RTN4R: variants seen among roughly 807,000 people sequenced by gnomAD.
RTN4R encodes reticulon 4 receptor, also known as reticulon-4 receptor.
Under a neutral mutation model 27.7 loss-of-function variants are expected in RTN4R, and 4 were observed. That is an observed-to-expected ratio of 0.14 (90% CI 0.07 to 0.33). RTN4R has a LOEUF of 0.33. Ranked by LOEUF, RTN4R falls within the 10% of genes least tolerant of loss-of-function variation. RTN4R has a pLI of 1.00. For missense variants in RTN4R, 554 were observed against 671.5 expected, an observed-to-expected ratio of 0.83 and a Z score of 1.93; for synonymous variants, 290 against 305.6, an observed-to-expected ratio of 0.95 and a Z score of 0.53.
chr22:20,248,014 G>C (rs991123383), intron 1 of RTN4R, among the ~76,000 whole-genome samples: 8 of 152,240 alleles, frequency 5.3e-5, no homozygotes, highest in African/African-American at 1.9e-4. Context: ...ACGAGATGTA[G>C]GTAGGTCCAG....
chr22:20,257,651 T>C (rs4819879), intron 1 of RTN4R, among the ~76,000 whole-genome samples: 41,909 of 152,240 alleles, frequency 0.28, 6,044 homozygotes, highest in East Asian at 0.49. Context: ...TATTTTGTCA[T>C]GGCAGCTTGA....
chr22:20,260,956 C>T (rs985769376), intron 1 of RTN4R, among the ~76,000 whole-genome samples: 4 of 152,160 alleles, frequency 2.6e-5, no homozygotes, highest in Non-Finnish European at 4.4e-5. Flanking sequence ...CTGCCCGGAC[C>T]CTGTGCACCC....
At chr22:20,250,943 C>A (rs1001745674) in intron 1 of RTN4R, among the ~76,000 whole-genome samples, 2 of 152,148 alleles carry the variant, frequency 1.3e-5, no homozygotes, top group East Asian at 3.8e-4. Flanking sequence ...TGACACAGTC[C>A]GGCTTCGGAG....
intron 1 of RTN4R, among the ~76,000 whole-genome samples, chr22:20,254,476 T>C (rs1212668418): frequency 6.7e-6 from 1 of 148,282 alleles, no homozygotes; most frequent in African/African-American, 2.5e-5. Flanking sequence ...GCCTCCTTCA[T>C]AGCACACTAG....
chr22:20,268,106 C>T lies in RTN4R; in HGVS notation c.-14G>A, dbSNP rs1315501452. The T allele has an allele frequency of 6.3e-5, 70 of 1,114,600 alleles. No individual in the cohort carries two copies. The highest frequency in any genetic ancestry group is 7.6e-5 in the Non-Finnish European group (69 of 911,716). 69.0% of individuals were successfully genotyped at this position (1,114,600 alleles called of 1,614,324 possible). ...CGCCCTCTTCATCGTAGGGGTTGGG[C>T]GGGGCGCGTCGGGGACTGAAAGTCG... On this transcript the variant is annotated 5_prime_UTR_variant, in exon 1 of 2. Coordinates refer to ENST00000043402, the MANE Select transcript of RTN4R (RefSeq NM_023004.6).
chr22:20,261,704 C>A (rs967697768), intron 1 of RTN4R, among the ~76,000 whole-genome samples: 15 of 152,358 alleles, frequency 9.8e-5, no homozygotes, highest in African/African-American at 3.6e-4. Context: ...ATCCTCCTCA[C>A]CGGCGCCTGG....
At chr22:20,254,900 T>C (rs2051203336) in intron 1 of RTN4R, among the ~76,000 whole-genome samples, 1 of 151,938 alleles carries the variant, frequency 6.6e-6, no homozygotes, top group Non-Finnish European at 1.5e-5. Context: ...CAAAAGGCCA[T>C]GAAAGAGAAG....
chr22:20,242,264 G>A lies in RTN4R; in HGVS notation c.869C>T (p.Pro290Leu). Residue 290 changes from proline (P) to leucine (L), a missense_variant, in exon 2 of 2, where the codon CCG (proline) becomes CTG (leucine). Transcript: ENST00000043402. ...GSSSEVPCSL[P>L]QRLAGRDLKR... ...GAGGTCACGGCCAGCCAGGCGTTGC[G>A]GGAGGCTGCAGGGCACCTCGGAGGA... 1 of 1,598,686 alleles carries A rather than the reference G, an allele frequency of 6.3e-7. No homozygotes were observed. Among genetic ancestry groups the A allele is most frequent in the Non-Finnish European group, 8.5e-7 (1 of 1,173,742 alleles).
chr22:20,263,193 G>A (rs1407330578), intron 1 of RTN4R, among the ~76,000 whole-genome samples: 2 of 152,318 alleles, frequency 1.3e-5, no homozygotes, highest in East Asian at 1.9e-4. Flanking sequence ...CCGTGGGTGC[G>A]GGGTTTGTGT....
At chr22:20,246,845 G>T (rs919790747) in intron 1 of RTN4R, among the ~76,000 whole-genome samples, 1 of 152,240 alleles carries the variant, frequency 6.6e-6, no homozygotes, top group Non-Finnish European at 1.5e-5. Context: ...CCCTGGGCTG[G>T]GATCACCGGA....
rs2051109691 is a variant in RTN4R at position 20,241,990 on chromosome 22, G to A, written c.1143C>T (p.Asp381=). The A allele has an allele frequency of 6.2e-7, 1 of 1,610,390 alleles. No individual in the cohort carries two copies. The highest frequency in any genetic ancestry group is 1.1e-5 in the South Asian group (1 of 91,078). The change falls in exon 2 of 2, where the codon GAC becomes GAT. Residue 381 remains aspartate, a synonymous_variant. Transcript: ENST00000043402. The stretch of plus-strand genomic sequence containing the variant: ...AGCCAGGCAGAGTCCCAAAGGGTGA[G>A]TCATTGATGTGCCGTGGGCCAGAGC... The part of the protein sequence containing the change: ...GNGSGPRHIN[D]SPFGTLPGSA...
intron 1 of RTN4R, among the ~76,000 whole-genome samples, chr22:20,266,479 T>G (rs2051277216): frequency 6.6e-6 from 1 of 152,242 alleles, no homozygotes; most frequent in Admixed American, 6.5e-5. Flanking sequence ...ACTGAGGCAC[T>G]GGAGGCGGGG....
chr22:20,243,984 C>A (rs1024819908), intron 1 of RTN4R, among the ~76,000 whole-genome samples: 1 of 152,216 alleles, frequency 6.6e-6, no homozygotes, highest in Admixed American at 6.5e-5. Context: ...GCATCCAGAG[C>A]TGGTCTCACC....
chr22:20,248,189 C>G (rs1322785753), intron 1 of RTN4R, among the ~76,000 whole-genome samples: 3 of 152,194 alleles, frequency 2.0e-5, no homozygotes, highest in African/African-American at 7.2e-5. Flanking sequence ...ATGCTACTTA[C>G]AAGAAACATG....
intron 1 of RTN4R, 72 bp from the exon 2 acceptor site, chr22:20,243,182 C>T: frequency 1.3e-6 from 2 of 1,487,962 alleles, no homozygotes; most frequent in Non-Finnish European, 1.8e-6. Context: ...TTGCTAGAGC[C>T]AGGTGGGCCC....
Position 20,242,382 on chromosome 22 carries a change from C to T in RTN4R, c.751G>A (p.Ala251Thr). Reference sequence around the variant, plus strand: ...TCGTTGAGCCTCAGGTACTGCAGGGCACGCAGGGGGGCCAGGGCCTCAGTG... The same window carrying T: ...TCGTTGAGCCTCAGGTACTGCAGGGTACGCAGGGGGGCCAGGGCCTCAGTG... ...LPTEALAPLR[A>T]LQYLRLNDNP... The change falls in exon 2 of 2, where the codon GCC becomes ACC. Residue 251 changes from alanine to threonine, a missense_variant. Physicochemically the swap from Ala to Thr is moderately conservative, Grantham distance 58. Transcript: ENST00000043402. The T allele has an allele frequency of 6.2e-7, 1 of 1,613,044 alleles. No homozygotes were observed. Among genetic ancestry groups the T allele is most frequent in the Non-Finnish European group, 8.5e-7 (1 of 1,179,926 alleles).
chr22:20,254,286 G>A (rs970227624), intron 1 of RTN4R, among the ~76,000 whole-genome samples: 6 of 151,520 alleles, frequency 4.0e-5, no homozygotes, highest in African/African-American at 1.2e-4. Context: ...AAAGTTAGCC[G>A]GGTGTGGTGA....
intron 1 of RTN4R, among the ~76,000 whole-genome samples, chr22:20,254,301 T>C (rs1188317516): frequency 1.3e-5 from 2 of 151,452 alleles, no homozygotes; most frequent in East Asian, 3.9e-4. Context: ...TGGTGATGCA[T>C]GCCTGTAATC....
At chr22:20,247,382 C>T (rs1043767228) in intron 1 of RTN4R, among the ~76,000 whole-genome samples, 3 of 152,024 alleles carry the variant, frequency 2.0e-5, no homozygotes, top group Non-Finnish European at 2.9e-5. Context: ...GCGGGGGTGG[C>T]GGGCCTATGT....
Sources: gnomAD v4.1 joint callset for allele counts (sites outside exome capture counted in the v4.1 genomes callset) on GRCh38, gnomAD v4.1.1 for gene constraint, MANE v1.5 for transcripts, NCBI Gene and HGNC (gene_info 2026-07-23, HGNC 2026-07-21) for gene names.